Variants in PXK observed in about 807,000 individuals in gnomAD.
PXK encodes PX domain containing serine/threonine kinase like.
A neutral mutation model predicts 84.7 loss-of-function variants in PXK; 35 were observed. The ratio of observed to expected loss-of-function variants is 0.41; its 90% CI spans 0.32 to 0.55. The LOEUF (loss-of-function observed/expected upper bound fraction) is 0.55, where lower values mean the gene tolerates loss of function less well. Ranked by LOEUF, PXK falls within the 20% of genes least tolerant of loss-of-function variation. The probability of loss-of-function intolerance (pLI) is 0.21; values close to 1 mark genes in which losing one functional copy is unlikely to be tolerated. For synonymous variants in PXK, 253 were observed against 260.8 expected (o/e 0.97, Z 0.29); for missense variants, 634 against 699.7 (o/e 0.91, Z 1.06).
In PXK at chr3:58,370,983, G is replaced by C. The variant is rs1465724100; in HGVS notation, c.201+1505G>C. The stretch of plus-strand genomic sequence containing the variant: ...ACGTTGCACTGCATCCTGGGCAATA[G>C]AGCAAGACTCTGTCTCAAAAAACAA... On this transcript the variant is annotated intron_variant, in intron 3 of 17. Transcript: ENST00000356151. This position sits in a 1 kb window ranked among gnomAD's most constrained non-coding sequence, Gnocchi z 4.2. Among the ~76,000 whole-genome samples, 1 of 152,210 alleles carries C rather than the reference G, an allele frequency of 6.6e-6. No homozygotes were observed. The highest frequency in any genetic ancestry group is 1.5e-5 in the Non-Finnish European group (1 of 68,042).
At chr3:58,419,262 C>CT (rs1203552679) in intron 17 of PXK, among the ~76,000 whole-genome samples, 2 of 152,102 alleles carry the variant, frequency 1.3e-5, no homozygotes, top group Non-Finnish European at 2.9e-5. Flanking sequence ...GATTTCTTTT[C>CT]TTTTTTGAGA....
At chr3:58,353,400 C>T (rs2097983793) in intron 1 of PXK, among the ~76,000 whole-genome samples, 1 of 151,978 alleles carries the variant, frequency 6.6e-6, no homozygotes, top group African/African-American at 2.4e-5. Context: ...GGTAATGATT[C>T]TTCAGATGCC....
chr3:58,422,934 C>T lies in PXK; in HGVS notation c.1529-1818C>T, dbSNP rs577651722. 6 of 985,450 alleles carry T rather than the reference C, an allele frequency of 6.1e-6. No individual in the cohort carries two copies. The East Asian group carries it at 6.8e-4, about 112-fold the overall frequency. The allele number at this position is 985,450 out of a possible 1,614,324, so 61.0% of individuals were successfully genotyped here. A position where few individuals can be genotyped will look rare whatever the true frequency, so the allele number is the denominator to read the frequency against. On this transcript the variant is annotated intron_variant, in intron 17 of 17. Transcript: ENST00000356151. ...AACCTGGGAGGCAGAAACCCTGGAG[C>T]TCCTTCTGTTACACTACGTGGCCCT... is the stretch of plus-strand genomic sequence containing the variant.
chr3:58,365,244 T>C (rs1338897764), intron 1 of PXK, among the ~76,000 whole-genome samples: 1 of 152,162 alleles, frequency 6.6e-6, no homozygotes, highest in East Asian at 1.9e-4. Context: ...TAATTTTTAA[T>C]TTCCCTTGAG....
At chr3:58,350,392 A>G (rs1559883083) in intron 1 of PXK, among the ~76,000 whole-genome samples, 2 of 152,104 alleles carry the variant, frequency 1.3e-5, no homozygotes, top group Non-Finnish European at 1.5e-5. Flanking sequence ...AGTAACTCAT[A>G]TTCTCCAGGC....
rs2107550946 is a variant in PXK, at chr3:58,409,065, T to C, written c.1308+64T>C. 1.6e-6 allele frequency: 2 copies of C among 1,242,908 alleles called. No homozygotes were observed. The highest frequency in any genetic ancestry group is 4.7e-5 in the East Asian group (2 of 42,974). 77.0% of individuals were successfully genotyped at this position (1,242,908 alleles called of 1,614,324 possible). A position where few individuals can be genotyped will look rare whatever the true frequency, so the allele number is the denominator to read the frequency against. ...CCATCCTCTGCCGTGGTTTTTATAGTGATTGACCTTTGACTGTTCCCTCTG... is the reference window on the plus strand; with the variant it reads ...CCATCCTCTGCCGTGGTTTTTATAGCGATTGACCTTTGACTGTTCCCTCTG... On this transcript the variant is annotated intron_variant, in intron 14 of 17. Coordinates refer to ENST00000356151, the MANE Select transcript of PXK (RefSeq NM_017771.5). This position sits in a 1 kb window ranked among gnomAD's most constrained non-coding sequence, Gnocchi z 4.2.
intron 1 of PXK, among the ~76,000 whole-genome samples, chr3:58,359,515 G>A (rs1389604007): frequency 1.3e-5 from 2 of 148,734 alleles, no homozygotes; most frequent in Non-Finnish European, 3.0e-5. Context: ...TGGCCACAGA[G>A]TGAGACTCTG....
In PXK at chr3:58,332,949, T is replaced by C; in HGVS notation, c.-40T>C. 7.8e-7 allele frequency: 1 copy of C among 1,288,970 alleles called. No homozygotes were observed. Among genetic ancestry groups the C allele is most frequent in the Non-Finnish European group, 1.0e-6 (1 of 992,982 alleles). The allele number at this position is 1,288,970 out of a possible 1,614,324, so 79.8% of individuals were successfully genotyped here. ...GGCGGGAGTCGGCGCCTCGGGTTCC[T>C]ACCTCGCGTCCCTAGGCGGCGGCGG... On this transcript the variant is annotated 5_prime_UTR_variant, in exon 1 of 18. Coordinates refer to ENST00000356151, the MANE Select transcript of PXK (RefSeq NM_017771.5). This position sits in a 1 kb window ranked among gnomAD's most constrained non-coding sequence, Gnocchi z 5.6.
rs2060243176 is a variant in PXK, at chr3:58,411,797, C to A, written c.1466-1104C>A. Among the ~76,000 whole-genome samples the A allele has an allele frequency of 6.6e-6, 1 of 152,156 alleles. No homozygotes were observed. Among genetic ancestry groups the A allele is most frequent in the African/African-American group, 2.4e-5 (1 of 41,430 alleles). ...AGTGAAGCTTCTCCCCATTAAAGTTCATTAGCACTACGAACAGTATAAAGA... is the reference window on the plus strand; with the variant it reads ...AGTGAAGCTTCTCCCCATTAAAGTTAATTAGCACTACGAACAGTATAAAGA... On this transcript the variant is annotated intron_variant, in intron 16 of 17. Coordinates refer to ENST00000356151, the MANE Select transcript of PXK (RefSeq NM_017771.5). The surrounding 1 kb of genome is among the most constrained non-coding windows in gnomAD (Gnocchi z 4.2).
At chr3:58,349,518 G>C (rs997316510) in intron 1 of PXK, among the ~76,000 whole-genome samples, 1 of 151,898 alleles carries the variant, frequency 6.6e-6, no homozygotes, top group Non-Finnish European at 1.5e-5. Flanking sequence ...ACCACGCCTG[G>C]CTAATTTTTG....
rs1248146309 is a variant in PXK, at chr3:58,422,366, AGGAAAAGTGGACTTGCTG to A, written c.1529-2382_1529-2365del. ...CACCATGGTTGTTGTAGGCCCAGTG[AGGAAAAGTGGACTTGCTG>A]GGACATCAAGCCCCACCGGACTGCT... is the stretch of plus-strand genomic sequence containing the variant. On this transcript the variant is annotated intron_variant, in intron 17 of 17. Coordinates refer to ENST00000356151, the MANE Select transcript of PXK (RefSeq NM_017771.5). 3 of 985,192 alleles carry A rather than the reference AGGAAAAGTGGACTTGCTG, an allele frequency of 3.0e-6. No individual in the cohort carries two copies. The African/African-American group carries it at 5.2e-5, about 17-fold the overall frequency. The allele number at this position is 985,192 out of a possible 1,614,324, so 61.0% of individuals were successfully genotyped here. A position where few individuals can be genotyped will look rare whatever the true frequency, so the allele number is the denominator to read the frequency against.
chr3:58,334,523 C>T (rs2097551444), intron 1 of PXK, among the ~76,000 whole-genome samples: 1 of 152,088 alleles, frequency 6.6e-6, no homozygotes, highest in Admixed American at 6.6e-5. Flanking sequence ...GGAATAGTGT[C>T]GAGTCCTTTA....
chr3:58,391,954 T>C (rs1349196011), intron 7 of PXK, 107 bp downstream of exon 7: 2 of 1,036,448 alleles, frequency 1.9e-6, no homozygotes, highest in Non-Finnish European at 2.9e-6. Context: ...GGAGATACAG[T>C]GGATTTCAGG....
At chr3:58,345,707 T>C (rs866865126) in intron 1 of PXK, among the ~76,000 whole-genome samples, 1 of 152,232 alleles carries the variant, frequency 6.6e-6, no homozygotes, top group African/African-American at 2.4e-5. Context: ...CTTCCACAAC[T>C]CATCCCATGC....
rs376753002 is a variant in PXK, at chr3:58,420,087, AAAAAGTTATGGGTTTTCAT to A, written c.1529-4664_1529-4646del. Among the ~76,000 whole-genome samples, 863 of 152,364 alleles carry A rather than the reference AAAAAGTTATGGGTTTTCAT, an allele frequency of 5.7e-3. 8 individuals carry two copies. The highest frequency in any genetic ancestry group is 0.019 in the African/African-American group (804 of 41,592). ...GTAGACTCTAGAAGACTTGCTTGGAAAAAAGTTATGGGTTTTCATTTTTCTCCCATCTTGATCAACTGTC... is the reference window on the plus strand; with the variant it reads ...GTAGACTCTAGAAGACTTGCTTGGAATTTTCTCCCATCTTGATCAACTGTC... On this transcript the variant is annotated intron_variant, in intron 17 of 17. Coordinates refer to ENST00000356151, the MANE Select transcript of PXK (RefSeq NM_017771.5).
At chr3:58,391,993 C>G in intron 7 of PXK, 146 bp downstream of exon 7, 1 of 682,294 alleles carries the variant, frequency 1.5e-6, no homozygotes, top group Non-Finnish European at 2.5e-6. Context: ...GGGCTAATCT[C>G]TTAGATCATA....
In PXK at chr3:58,421,960, G is replaced by A. The variant is rs148066092; in HGVS notation, c.1529-2792G>A. 1.3e-3 allele frequency: 1,243 copies of A among 985,364 alleles called. 21 individuals carry two copies. The African/African-American group carries it at 0.02, about 16-fold the overall frequency. 61.0% of individuals were successfully genotyped at this position (985,364 alleles called of 1,614,324 possible). Reference sequence around the variant, plus strand: ...TGGCCTGGAGATAAGGGTATTGGAGGTCTCTTGGCAGGAAGGCCTCATTCA... The same window carrying A: ...TGGCCTGGAGATAAGGGTATTGGAGATCTCTTGGCAGGAAGGCCTCATTCA... On this transcript the variant is annotated intron_variant, in intron 17 of 17. Coordinates refer to ENST00000356151, the MANE Select transcript of PXK (RefSeq NM_017771.5). The surrounding 1 kb of genome is among the most constrained non-coding windows in gnomAD (Gnocchi z 5.5).
At chr3:58,353,962 G>T (rs1427988597) in intron 1 of PXK, among the ~76,000 whole-genome samples, 1 of 152,190 alleles carries the variant, frequency 6.6e-6, no homozygotes, top group Non-Finnish European at 1.5e-5. Context: ...CGTGGTGGTA[G>T]ATTCCAGCCA....
intron 3 of PXK, among the ~76,000 whole-genome samples, chr3:58,381,127 T>C (rs1407589015): frequency 1.3e-5 from 2 of 151,500 alleles, no homozygotes; most frequent in African/African-American, 4.9e-5. Flanking sequence ...CTGGCGCCTG[T>C]AGTCCCAGCT....
Sources: gnomAD v4.1 joint callset for allele counts (sites outside exome capture counted in the v4.1 genomes callset) on GRCh38, gnomAD v4.1.1 for gene constraint, Gnocchi (gnomAD v3.1) non-coding constraint, MANE v1.5 for transcripts, NCBI Gene and HGNC (gene_info 2026-07-23, HGNC 2026-07-21) for gene names.